The following SNED1 variants were observed in gnomAD, a reference collection of about 807,000 sequenced individuals.
SNED1 encodes sushi, nidogen and EGF like domains 1, also known as sushi, nidogen and EGF-like domain-containing protein 1.
SNED1 carries 81 observed loss-of-function variants against 166.7 expected under a neutral mutation model. The observed-to-expected ratio is 0.49, with a 90% confidence interval of 0.41 to 0.58. The LOEUF (loss-of-function observed/expected upper bound fraction) is 0.58. SNED1 is among the 20% of genes least tolerant of loss of function. SNED1 has a pLI of 0.00. For missense variants in SNED1, 1,604 were observed against 2,000.2 expected (o/e 0.80, Z 3.78); for synonymous variants, 762 against 822.0 (o/e 0.93, Z 1.25).
chr2:240,997,877 C>T (rs550239049), upstream of SNED1, among the ~76,000 whole-genome samples: 1 of 152,208 alleles, frequency 6.6e-6, no homozygotes, highest in African/African-American at 2.4e-5. Flanking sequence ...AGACAGGCAG[C>T]CCAGGCCAGC....
At chr2:241,052,213 T>C in intron 14 of SNED1, 56 bp downstream of exon 14, 1 of 1,517,062 alleles carries the variant, frequency 6.6e-7, no homozygotes, top group South Asian at 1.1e-5. Context: ...TCTCTGCAGA[T>C]GTGAAAACAG....
intron 2 of SNED1, chr2:241,033,475 G>A (rs188905728): frequency 6.0e-5 from 27 of 448,520 alleles, no homozygotes; most frequent in African/African-American, 4.3e-4. Flanking sequence ...TGTGGGCCCC[G>A]CACCCACCCC....
intron 27 of SNED1, 88 bp from the exon 28 acceptor site, chr2:241,081,589 G>GGTCAA: frequency 1.0e-6 from 1 of 990,702 alleles, no homozygotes; most frequent in Non-Finnish European, 1.6e-6. Flanking sequence ...CCCTGCATCA[G>GGTCAA]GTCATCAAGG....
intron 6 of SNED1, 123 bp from the exon 7 acceptor site, chr2:241,039,952 G>T: frequency 1.3e-6 from 1 of 771,930 alleles, no homozygotes; most frequent in Non-Finnish European, 2.1e-6. Context: ...AAACCTGCCT[G>T]CCAGGCCCCC....
At chr2:241,020,440 G>A (rs1349141108) in intron 1 of SNED1, among the ~76,000 whole-genome samples, 1 of 152,214 alleles carries the variant, frequency 6.6e-6, no homozygotes, top group Non-Finnish European at 1.5e-5. Context: ...CCCGTGACTC[G>A]AGCACCCCGC....
chr2:241,047,682 C>T (rs1264946714), intron 8 of SNED1, among the ~76,000 whole-genome samples: 1 of 152,242 alleles, frequency 6.6e-6, no homozygotes, highest in Non-Finnish European at 1.5e-5. Context: ...TGACCAGAAA[C>T]GTTTGGAGGC....
At chr2:241,080,236 A>T (rs1300065746) in intron 27 of SNED1, among the ~76,000 whole-genome samples, 1 of 152,228 alleles carries the variant, frequency 6.6e-6, no homozygotes, top group Non-Finnish European at 1.5e-5. Flanking sequence ...GTGAGCTGAG[A>T]TCGCGACACT....
At chr2:241,058,114 G>A (rs1293385563) in intron 16 of SNED1, among the ~76,000 whole-genome samples, 1 of 152,122 alleles carries the variant, frequency 6.6e-6, no homozygotes, top group Non-Finnish European at 1.5e-5. Flanking sequence ...AAAAATAGGT[G>A]TATACAAATC....
rs920312622 is a variant in SNED1 at position 241,018,128 on chromosome 2, C to G, written c.214-12156C>G. Among the ~76,000 whole-genome samples, 1 of 152,326 alleles carries G rather than the reference C, an allele frequency of 6.6e-6. No homozygotes were observed. ...AACCCGAGTAGCTCTGTCTGAGAAC[C>G]GCCATTCGCCTTGCCGTGGTCCCTG... On this transcript the variant is annotated intron_variant, in intron 1 of 31. Transcript: ENST00000310397. This position sits in a 1 kb window ranked among gnomAD's most constrained non-coding sequence, Gnocchi z 5.4.
intron 1 of SNED1, 85 bp from the exon 2 acceptor site, chr2:241,030,199 G>A (rs2061123174): frequency 7.6e-7 from 1 of 1,318,302 alleles, no homozygotes; most frequent in African/African-American, 1.5e-5. Flanking sequence ...GAGGGTGCCT[G>A]GTGGCAGGGG....
rs1346929016 is a variant in SNED1 at position 241,063,678 on chromosome 2, C to T, written c.2463C>T (p.Phe821=). ...ATGTCTGCCGGTGCCCTGCAGGCTT[C>T]GTTGGAGTCCACTGTGAGACAGGTA... ...GAYVCRCPAG[F]VGVHCETEVD... is the part of the protein sequence containing the mutation. The change falls in exon 18 of 32, where the codon TTC becomes TTT. Residue 821 remains phenylalanine (F), a synonymous_variant. Transcript: ENST00000310397. 11 of 1,610,294 alleles carry T rather than the reference C, an allele frequency of 6.8e-6. No individual in the cohort carries two copies. Among genetic ancestry groups the T allele is most frequent in the Admixed American group, 1.7e-5 (1 of 59,670 alleles).
At chr2:241,007,469 G>GTAT (rs1243013729) in intron 1 of SNED1, among the ~76,000 whole-genome samples, 17 of 152,206 alleles carry the variant, frequency 1.1e-4, no homozygotes, top group African/African-American at 3.4e-4. Flanking sequence ...AGTATTAAAT[G>GTAT]TATTTATTTT....
chr2:241,036,828 G>C lies in SNED1; in HGVS notation c.844G>C (p.Gly282Arg). Residue 282 changes from glycine (G) to arginine (R), a missense_variant, in exon 5 of 32, where the codon GGC becomes CGC. Coordinates refer to ENST00000310397, the MANE Select transcript of SNED1 (RefSeq NM_001080437.3). ...CLALRPCLNG[G>R]KCIDDCVTGN... ...GGCCCTGCGCCCCTGCCTCAACGGC[G>C]GCAAGTGCATCGACGACTGCGTCAC... 1 of 1,610,948 alleles carries C rather than the reference G, an allele frequency of 6.2e-7. No homozygotes were observed. The highest frequency in any genetic ancestry group is 8.5e-7 in the Non-Finnish European group (1 of 1,179,692).
chr2:241,048,800 C>T lies in SNED1; in HGVS notation c.1504+34C>T, dbSNP rs1462159232. 2.0e-6 allele frequency: 3 copies of T among 1,517,840 alleles called. No homozygotes were observed. In the African/African-American group the frequency reaches 4.1e-5, roughly 21 times the overall value. 94.0% of individuals were successfully genotyped at this position (1,517,840 alleles called of 1,614,324 possible). ...CCAGGTCACCCTTCCTGCCCTGTCC[C>T]TGAGCATCCTCATAATCGGGAAATG... On this transcript the variant is annotated intron_variant, in intron 10 of 31. Coordinates refer to ENST00000310397, the MANE Select transcript of SNED1 (RefSeq NM_001080437.3).
intron 31 of SNED1, among the ~76,000 whole-genome samples, chr2:241,090,725 G>A (rs1003389178): frequency 1.2e-4 from 18 of 152,246 alleles, no homozygotes; most frequent in South Asian, 8.3e-4. Context: ...AAATTAGTCA[G>A]ACATGGTGGT....
rs1453869340 is a variant in SNED1 at position 241,089,489 on chromosome 2, T to C, written c.*1+1087T>C. The stretch of plus-strand genomic sequence containing the variant: ...TGTCCACACCCCCTTGGGGGAAAGG[T>C]CTGGGCCGGAGCTCCGCACATGGCA... On this transcript the variant is annotated intron_variant, in intron 31 of 31. Coordinates refer to ENST00000310397, the MANE Select transcript of SNED1 (RefSeq NM_001080437.3). 3 of 1,490,484 alleles carry C rather than the reference T, an allele frequency of 2.0e-6. No individual in the cohort carries two copies. In the East Asian group the frequency reaches 7.4e-5, roughly 37 times the overall value. The allele number at this position is 1,490,484 out of a possible 1,614,324, so 92.3% of individuals were successfully genotyped here.
chr2:241,048,507 T>C (rs2061730094), intron 9 of SNED1, 67 bp downstream of exon 9: 4 of 1,533,782 alleles, frequency 2.6e-6, no homozygotes, highest in East Asian at 4.6e-5. Context: ...GGCCTTCCTG[T>C]GGGTGCATGC....
chr2:241,048,103 T>G (rs894026824), intron 8 of SNED1, among the ~76,000 whole-genome samples: 2 of 152,256 alleles, frequency 1.3e-5, no homozygotes, highest in Admixed American at 6.5e-5. Flanking sequence ...CTCTGGTGCT[T>G]CTTGTTCTGT....
At chr2:241,070,228 G>A (rs2062638875) in intron 24 of SNED1, 27 bp downstream of exon 24, 4 of 1,579,544 alleles carry the variant, frequency 2.5e-6, no homozygotes, top group Non-Finnish European at 2.6e-6. Context: ...CTGCGCGTGG[G>A]CGGGGCCAGT....
Sources: allele counts gnomAD v4.1 joint callset (sites outside exome capture counted in the v4.1 genomes callset), GRCh38; gene constraint gnomAD v4.1.1; non-coding constraint Gnocchi (gnomAD v3.1); transcripts MANE v1.5; gene names NCBI Gene and HGNC (gene_info 2026-07-23, HGNC 2026-07-21).